GPC5: variants seen among roughly 807,000 people sequenced by gnomAD.
The protein encoded by GPC5 is glypican 5.
Under a neutral mutation model 53.9 loss-of-function variants are expected in GPC5, and 47 were observed. The ratio of observed to expected loss-of-function variants is 0.87; its 90% CI spans 0.69 to 1.11. The LOEUF (loss-of-function observed/expected upper bound fraction) is 1.11, where lower values mean the gene tolerates loss of function less well. GPC5 is among the 50% of genes most tolerant of loss of function. The pLI is 0.00. For missense variants in GPC5, 748 were observed against 713.1 expected (o/e 1.05, Z -0.56); for synonymous variants, 286 against 263.3 (o/e 1.09, Z -0.84).
At position 92,141,236 on chromosome 13, in the gene GPC5, G is replaced by A. The variant is rs368632041; in HGVS notation, c.1402-3594G>A. Among the ~76,000 whole-genome samples, 56 of 152,212 alleles carry A rather than the reference G, an allele frequency of 3.7e-4. No homozygotes were observed. The East Asian group carries it at 4.3e-3, about 12-fold the overall frequency. ...TGGATGTATGATAATTGAAAAGCGA[G>A]AAAATGAAAATGATCAGGCAGAGCC... is the stretch of plus-strand genomic sequence containing the variant. On this transcript the variant is annotated intron_variant, in intron 6 of 7. Coordinates refer to ENST00000377067, the MANE Select transcript of GPC5 (RefSeq NM_004466.6).
chr13:92,202,868 C>G (rs976692780), intron 7 of GPC5, among the ~76,000 whole-genome samples: 2 of 152,120 alleles, frequency 1.3e-5, no homozygotes, highest in African/African-American at 4.8e-5. Context: ...GGATAGCATT[C>G]TTCTGAAGCA....
chr13:92,290,657 T>A (rs61015801), intron 7 of GPC5, among the ~76,000 whole-genome samples: 11 of 152,186 alleles, frequency 7.2e-5, no homozygotes, highest in Non-Finnish European at 1.5e-4. Context: ...GTGCATGCCA[T>A]TAACTCATTC....
intron 7 of GPC5, among the ~76,000 whole-genome samples, chr13:92,295,251 T>G (rs2139189490): frequency 6.6e-6 from 1 of 152,322 alleles, no homozygotes; most frequent in East Asian, 1.9e-4. Context: ...GTTTTTAAAT[T>G]TCTATCCTGA....
At chr13:91,700,400 C>T (rs1367122019) in intron 3 of GPC5, among the ~76,000 whole-genome samples, 1 of 152,178 alleles carries the variant, frequency 6.6e-6, no homozygotes, top group Non-Finnish European at 1.5e-5. Context: ...GACTGATAAT[C>T]ACAGTTATTT....
intron 7 of GPC5, among the ~76,000 whole-genome samples, chr13:92,547,428 T>G (rs1195529978): frequency 6.6e-6 from 1 of 152,220 alleles, no homozygotes; most frequent in Non-Finnish European, 1.5e-5. Flanking sequence ...TTTACCTGTT[T>G]ATTTTCAGCT....
At chr13:92,705,152 C>T (rs1887907713) in intron 7 of GPC5, among the ~76,000 whole-genome samples, 2 of 151,946 alleles carry the variant, frequency 1.3e-5, no homozygotes, top group Middle Eastern at 3.4e-3. Flanking sequence ...TTTTGTCTTG[C>T]CAACAAGCTC....
intron 5 of GPC5, among the ~76,000 whole-genome samples, chr13:91,878,927 G>A (rs2039234199): frequency 1.3e-5 from 2 of 151,904 alleles, no homozygotes; most frequent in African/African-American, 4.8e-5. Flanking sequence ...GCTGAAATAG[G>A]ACTCAGATCA....
intron 7 of GPC5, among the ~76,000 whole-genome samples, chr13:92,380,638 CG>C (rs1566564607): frequency 6.6e-6 from 1 of 151,554 alleles, no homozygotes; most frequent in Non-Finnish European, 1.5e-5. Flanking sequence ...TTTGTAGGGA[CG>C]TGGATGAAAT....
At chr13:91,719,212 T>C (rs1044549305) in intron 3 of GPC5, among the ~76,000 whole-genome samples, 1 of 152,226 alleles carries the variant, frequency 6.6e-6, no homozygotes, top group Non-Finnish European at 1.5e-5. Context: ...GAATCTGCAG[T>C]TGCCCGTTTG....
At chr13:92,395,032 GAA>G (rs908503086) in intron 7 of GPC5, among the ~76,000 whole-genome samples, 12 of 152,080 alleles carry the variant, frequency 7.9e-5, no homozygotes, top group African/African-American at 2.9e-4. Flanking sequence ...ATTTCTTGGA[GAA>G]AATATATAAT....
chr13:92,474,572 T>A (rs993969602), intron 7 of GPC5, among the ~76,000 whole-genome samples: 1 of 151,954 alleles, frequency 6.6e-6, no homozygotes, highest in Non-Finnish European at 1.5e-5. Flanking sequence ...CCAAATGGCT[T>A]TTAGGGAAAT....
At chr13:91,623,105 T>C (rs2033906014) in intron 2 of GPC5, among the ~76,000 whole-genome samples, 1 of 152,116 alleles carries the variant, frequency 6.6e-6, no homozygotes, top group South Asian at 2.1e-4. Flanking sequence ...TATCTGCCTG[T>C]CATCTATCTC....
At chr13:92,337,087 G>A (rs2043329198) in intron 7 of GPC5, among the ~76,000 whole-genome samples, 1 of 151,950 alleles carries the variant, frequency 6.6e-6, no homozygotes, top group South Asian at 2.1e-4. Context: ...AATTCAAGAT[G>A]AGATTTGGGT....
chr13:91,978,196 G>A (rs1435842191), intron 6 of GPC5, among the ~76,000 whole-genome samples: 4 of 152,270 alleles, frequency 2.6e-5, no homozygotes, highest in Middle Eastern at 3.4e-3. Context: ...CCAGCTGAAA[G>A]CTAAGGAGAT....
At chr13:92,273,608 G>A (rs1287595030) in intron 7 of GPC5, among the ~76,000 whole-genome samples, 1 of 151,950 alleles carries the variant, frequency 6.6e-6, no homozygotes, top group Non-Finnish European at 1.5e-5. Context: ...TCCCCTCCCT[G>A]AACAGGCTTT....
At chr13:92,057,517 T>G (rs1425128288) in intron 6 of GPC5, among the ~76,000 whole-genome samples, 1 of 152,188 alleles carries the variant, frequency 6.6e-6, no homozygotes. Context: ...CTTTAGTACA[T>G]TGAATTTAGT....
intron 2 of GPC5, among the ~76,000 whole-genome samples, chr13:91,527,969 C>T (rs1886164991): frequency 6.6e-6 from 1 of 152,180 alleles, no homozygotes; most frequent in Non-Finnish European, 1.5e-5. Flanking sequence ...TGGGCCTGAC[C>T]CATGAAACAA....
chr13:91,858,992 TATA>T (rs2138907166), intron 5 of GPC5, among the ~76,000 whole-genome samples: 1 of 151,392 alleles, frequency 6.6e-6, no homozygotes, highest in African/African-American at 2.4e-5. Flanking sequence ...AAATATCAAC[TATA>T]ATGTCACCTT....
chr13:92,737,829 T>A (rs1888981337), intron 7 of GPC5, among the ~76,000 whole-genome samples: 1 of 137,960 alleles, frequency 7.2e-6, no homozygotes, highest in African/African-American at 2.7e-5. Flanking sequence ...TACAATGGCG[T>A]GATCTTGGCT....
Sources: allele counts gnomAD v4.1 joint callset (sites outside exome capture counted in the v4.1 genomes callset), GRCh38; gene constraint gnomAD v4.1.1; transcripts MANE v1.5; gene names NCBI Gene and HGNC (gene_info 2026-07-23, HGNC 2026-07-21).